The following PI4KA variants were observed in gnomAD, a reference collection of about 807,000 sequenced individuals.
PI4KA encodes PI4-kinase alpha.
Under a neutral mutation model 271.4 loss-of-function variants are expected in PI4KA, and 122 were observed. The observed-to-expected ratio is 0.45, with a 90% CI of 0.39 to 0.52. PI4KA has a LOEUF of 0.52. Among genes scored for constraint, PI4KA ranks in the 20% least tolerant of loss-of-function variants. The pLI, the probability that PI4KA is intolerant of heterozygous loss-of-function variation, is 0.00. For missense variants in PI4KA, 1,969 were observed against 2,769.1 expected (o/e 0.71, Z 6.48); for synonymous variants, 1,041 against 1,078.8 (o/e 0.96, Z 0.69).
chr22:20,825,639 C>T (rs1923308244), intron 3 of PI4KA, among the ~76,000 whole-genome samples: 1 of 152,092 alleles, frequency 6.6e-6, no homozygotes, highest in South Asian at 2.1e-4. Flanking sequence ...ATTGCAGGTA[C>T]ATGCATAATT....
At chr22:20,788,272 G>A (rs912512823) in intron 19 of PI4KA, among the ~76,000 whole-genome samples, 2 of 152,188 alleles carry the variant, frequency 1.3e-5, no homozygotes, top group Non-Finnish European at 2.9e-5. Context: ...TTCAAGTGCA[G>A]GTTGGCTGGA....
At position 20,783,705 on chromosome 22, in the gene PI4KA, G is replaced by A. The variant is rs190125836; in HGVS notation, c.2328+9488C>T. 7.2e-5 allele frequency among the ~76,000 whole-genome samples: 11 copies of A among 152,266 alleles called. 1 individual carries two copies. The highest frequency in any genetic ancestry group is 2.4e-4 in the African/African-American group (10 of 41,550). Reference sequence around the variant, plus strand: ...ATGTGACAGATGAAGAAATAGAAGCGAGTTAGGTGCCTTACCATGGTCAAA... The same window carrying A: ...ATGTGACAGATGAAGAAATAGAAGCAAGTTAGGTGCCTTACCATGGTCAAA... On this transcript the variant is annotated intron_variant, in intron 19 of 54. Coordinates refer to ENST00000255882, the MANE Select transcript of PI4KA (RefSeq NM_058004.4).
At chr22:20,726,588 A>AC in intron 41 of PI4KA, 47 bp from the exon 42 acceptor site, 1 of 1,518,038 alleles carries the variant, frequency 6.6e-7, no homozygotes, top group Non-Finnish European at 8.9e-7. Flanking sequence ...GAGCAGAGCC[A>AC]CCCAACCCTA....
At chr22:20,806,694 C>T (rs189091682) in intron 10 of PI4KA, among the ~76,000 whole-genome samples, 22 of 152,006 alleles carry the variant, frequency 1.4e-4, no homozygotes, top group African/African-American at 5.1e-4. Flanking sequence ...AGTACCTCTA[C>T]ATTAACAGAT....
rs2072513 is a variant in PI4KA, at chr22:20,745,009, T to C, written c.3364-289A>G. On this transcript the variant is annotated intron_variant, in intron 29 of 54. Transcript: ENST00000255882. Reference sequence around the variant, plus strand: ...ACTAGATTGTGAGAGCAATGTCACCTGTGATGGAAACGCCATGAAAGCATT... The same window carrying C: ...ACTAGATTGTGAGAGCAATGTCACCCGTGATGGAAACGCCATGAAAGCATT... Among the ~76,000 whole-genome samples, 62,322 of 152,016 alleles carry C rather than the reference T, an allele frequency of 0.41. 13,235 individuals carry two copies. The highest frequency in any genetic ancestry group is 0.49 in the African/African-American group (20,377 of 41,434).
chr22:20,831,584 CAA>C lies in PI4KA; in HGVS notation c.367+2976_367+2977del, dbSNP rs1569082662. Among the ~76,000 whole-genome samples the C allele has an allele frequency of 3.3e-3, 357 of 107,754 alleles. 5 individuals are homozygous for C. The East Asian group carries it at 0.079, about 24-fold the overall frequency. The allele number at this position is 107,754 out of a possible 152,430, so 70.7% of individuals were successfully genotyped here. On this transcript the variant is annotated intron_variant, in intron 3 of 54. Coordinates refer to ENST00000255882, the MANE Select transcript of PI4KA (RefSeq NM_058004.4). ...CTCTTTCTCAAAACACAAACAAAAA[CAA>C]AAACAAAAACAAAAACAAAAACAAA...
chr22:20,835,073 C>A (rs916952616), intron 2 of PI4KA, among the ~76,000 whole-genome samples: 1 of 151,962 alleles, frequency 6.6e-6, no homozygotes, highest in Non-Finnish European at 1.5e-5. Flanking sequence ...GCTCACAATG[C>A]GGGCATCTCA....
chr22:20,852,662 T>G (rs1927132830), intron 1 of PI4KA, among the ~76,000 whole-genome samples: 1 of 152,128 alleles, frequency 6.6e-6, no homozygotes, highest in African/African-American at 2.4e-5. Context: ...CTCCTCTCGC[T>G]CTACGGATGG....
chr22:20,712,023 G>A (rs181653054), intron 50 of PI4KA, among the ~76,000 whole-genome samples: 1,506 of 150,448 alleles, frequency 0.01, 17 homozygotes, highest in Non-Finnish European at 0.016. Flanking sequence ...CATTACAGGC[G>A]TGAGCACTGC....
Position 20,765,135 on chromosome 22 carries a change from A to G in PI4KA, c.2539T>C (p.Tyr847His). 1 of 1,613,838 alleles carries G rather than the reference A, an allele frequency of 6.2e-7. No individual in the cohort carries two copies. Among genetic ancestry groups the G allele is most frequent in the Non-Finnish European group, 8.5e-7 (1 of 1,179,864 alleles). The change falls in exon 21 of 55, where the codon TAT (tyrosine) becomes CAT (histidine). Residue 847 changes from tyrosine (Y) to histidine (H), a missense_variant. Physicochemically the swap from Tyr to His is moderately conservative, Grantham distance 83 (BLOSUM62 2). Transcript: ENST00000255882. ...GTGTCATTCTTCATGGCTGAGTTATACTGGAGGACGGACCGCAGTGGCTCC... is the reference window on the plus strand; with the variant it reads ...GTGTCATTCTTCATGGCTGAGTTATGCTGGAGGACGGACCGCAGTGGCTCC... ...SKEPLRSVLQ[Y>H]NSAMKNDTVT...
chr22:20,725,642 C>T, intron 42 of PI4KA: 1 of 391,794 alleles, frequency 2.6e-6, no homozygotes, highest in Non-Finnish European at 5.4e-6. Flanking sequence ...GGCCTATAAT[C>T]CCAGCACTTT....
Position 20,858,583 on chromosome 22 carries a change from G to T in PI4KA, c.143C>A (p.Ala48Glu). 7.0e-7 allele frequency: 1 copy of T among 1,429,874 alleles called. No individual in the cohort carries two copies. The highest frequency in any genetic ancestry group is 2.6e-5 in the Admixed American group (1 of 39,202). 88.6% of individuals were successfully genotyped at this position (1,429,874 alleles called of 1,614,324 possible). A position where few individuals can be genotyped will look rare whatever the true frequency, so the allele number is the denominator to read the frequency against. ...CGCCGACGTTACCTTCTCCAAGGAT[G>T]CTGGTCTCTGCACCGCCAGGGAGCG... ...LARSLAVQRP[A>E]SLEKVQKLLC... Residue 48 changes from alanine to glutamate, a missense_variant, in exon 1 of 55, where the codon GCA (alanine) becomes GAA (glutamate). This residue lies in a region of PI4KA where 540 missense variants were observed against 555.5 expected (regional missense o/e 0.97). Coordinates refer to ENST00000255882, the MANE Select transcript of PI4KA (RefSeq NM_058004.4).
At chr22:20,765,021 C>A in intron 21 of PI4KA, 71 bp from the exon 22 acceptor site, 1 of 1,579,596 alleles carries the variant, frequency 6.3e-7, no homozygotes. Flanking sequence ...TGGCTGGCAA[C>A]ATGTGTTAAT....
chr22:20,814,147 A>G (rs1276801714), intron 7 of PI4KA, among the ~76,000 whole-genome samples: 2 of 150,398 alleles, frequency 1.3e-5, no homozygotes, highest in Middle Eastern at 3.4e-3. Flanking sequence ...TGGGGTCCAC[A>G]GGGCCTCAGA....
intron 43 of PI4KA, among the ~76,000 whole-genome samples, chr22:20,719,137 GA>G (rs1245978180): frequency 6.6e-6 from 1 of 151,972 alleles, no homozygotes; most frequent in Non-Finnish European, 1.5e-5. Flanking sequence ...ACAGGGCATA[GA>G]ATCCTCACTG....
chr22:20,724,273 C>T (rs1433297822), intron 42 of PI4KA, among the ~76,000 whole-genome samples: 5 of 149,436 alleles, frequency 3.3e-5, no homozygotes, highest in African/African-American at 9.9e-5. Flanking sequence ...CCATTGCACT[C>T]CAGCCTGGGC....
chr22:20,713,574 G>C (rs948157025), intron 47 of PI4KA, among the ~76,000 whole-genome samples, 184 bp from the exon 48 acceptor site: 1 of 152,240 alleles, frequency 6.6e-6, no homozygotes, highest in African/African-American at 2.4e-5. Context: ...GGAACAGCAG[G>C]TGGAATCCAG....
intron 12 of PI4KA, 104 bp from the exon 13 acceptor site, chr22:20,803,424 A>C: frequency 6.9e-7 from 1 of 1,439,144 alleles, no homozygotes; most frequent in South Asian, 1.2e-5. Context: ...GTCTGACCCA[A>C]AACTTCGAAG....
intron 19 of PI4KA, among the ~76,000 whole-genome samples, chr22:20,781,919 G>A (rs1313789170): frequency 2.0e-5 from 3 of 152,298 alleles, no homozygotes; most frequent in East Asian, 3.9e-4. Flanking sequence ...AGGGCCGAGG[G>A]AAGAACCATA....
Sources: gnomAD v4.1 joint callset for allele counts (sites outside exome capture counted in the v4.1 genomes callset) on GRCh38, gnomAD v4.1.1 for gene constraint, gnomAD v4.1.1 regional missense constraint, MANE v1.5 for transcripts, NCBI Gene and HGNC (gene_info 2026-07-23, HGNC 2026-07-21) for gene names.